Variants in OSBPL10 observed in about 807,000 individuals in gnomAD.
The protein encoded by OSBPL10 is oxysterol-binding protein-related protein 10.
A neutral mutation model predicts 81.7 loss-of-function variants in OSBPL10; 49 were observed. That is an observed-to-expected ratio of 0.60 (90% CI 0.48 to 0.76). The LOEUF (loss-of-function observed/expected upper bound fraction) is 0.76, where lower values mean the gene tolerates loss of function less well. Ranked by LOEUF, OSBPL10 falls within the 30% of genes least tolerant of loss-of-function variation. OSBPL10 has a pLI of 0.00. For missense variants in OSBPL10, 923 were observed against 987.8 expected (o/e 0.93, Z 0.88); for synonymous variants, 419 against 383.6 (o/e 1.09, Z -1.08).
At chr3:31,988,919 C>T in intron 2 of OSBPL10, 1 of 963,364 alleles carries the variant, frequency 1.0e-6, no homozygotes, top group African/African-American at 1.7e-5. Flanking sequence ...GAAGTGCCTC[C>T]AAACCCCGAC....
intron 3 of OSBPL10, among the ~76,000 whole-genome samples, chr3:31,857,008 A>G (rs1403431111): frequency 6.6e-6 from 1 of 152,182 alleles, no homozygotes; most frequent in Non-Finnish European, 1.5e-5. Context: ...GGGTTCAAGG[A>G]TCACACCACT....
chr3:32,015,515 A>G (rs181638718), intron 2 of OSBPL10, among the ~76,000 whole-genome samples: 42 of 152,370 alleles, frequency 2.8e-4, no homozygotes, highest in Non-Finnish European at 1.3e-4. Context: ...AAACCTGGGC[A>G]ATACCATTCA....
chr3:32,068,213 C>T (rs547652401), intron 1 of OSBPL10, among the ~76,000 whole-genome samples: 153 of 152,304 alleles, frequency 1.0e-3, no homozygotes, highest in Non-Finnish European at 1.3e-3. Flanking sequence ...GCGCCAGTCA[C>T]GGACTCGGGA....
chr3:32,064,791 T>C lies in OSBPL10; in HGVS notation n.185+12605A>G, dbSNP rs1426036065. 4 of 93,242 alleles carry C rather than the reference T, an allele frequency of 4.3e-5. 2 individuals are homozygous for C. The highest frequency in any genetic ancestry group is 1.2e-4 in the Non-Finnish European group (4 of 34,774). 5.8% of individuals were successfully genotyped at this position (93,242 alleles called of 1,614,324 possible). On this transcript the variant is annotated intron_variant and non_coding_transcript_variant, in intron 1 of 3. Transcript: ENST00000479173. ...AGCTCAAGGGGAAGTGCTACATAAC[T>C]GCTGTTACATTTTAAATGCCTTGCT...
chr3:31,763,068 A>G (rs1559454018), intron 4 of OSBPL10, among the ~76,000 whole-genome samples: 1 of 152,204 alleles, frequency 6.6e-6, no homozygotes, highest in Non-Finnish European at 1.5e-5. Context: ...GAACACACAC[A>G]GCAAACTCCT....
At chr3:31,758,226 T>C (rs575545163) in intron 4 of OSBPL10, among the ~76,000 whole-genome samples, 7 of 152,358 alleles carry the variant, frequency 4.6e-5, no homozygotes, top group African/African-American at 1.4e-4. Flanking sequence ...CTCTCATGTA[T>C]ACATGATATG....
At chr3:31,859,356 G>C (rs80203636) in intron 3 of OSBPL10, among the ~76,000 whole-genome samples, 12,125 of 152,198 alleles carry the variant, frequency 0.08, 1,464 homozygotes, top group African/African-American at 0.26. Context: ...CAGGGAGGGC[G>C]TAGAAGTTCC....
intron 2 of OSBPL10, among the ~76,000 whole-genome samples, chr3:32,045,196 A>G (rs1054474372): frequency 2.6e-5 from 4 of 152,164 alleles, no homozygotes; most frequent in South Asian, 4.1e-4. Flanking sequence ...TCCAAAGGCA[A>G]TTCAGGGTAT....
intron 6 of OSBPL10, among the ~76,000 whole-genome samples, chr3:31,728,634 T>C (rs920691725): frequency 2.0e-5 from 3 of 152,232 alleles, no homozygotes; most frequent in Non-Finnish European, 2.9e-5. Flanking sequence ...AAATGCATTA[T>C]GCTATGTGAA....
intron 4 of OSBPL10, among the ~76,000 whole-genome samples, chr3:31,797,294 C>A (rs1699252766): frequency 6.6e-6 from 1 of 151,646 alleles, no homozygotes; most frequent in South Asian, 2.1e-4. Context: ...CGCCTGGCCA[C>A]AAATGATTTA....
At position 31,981,185 on chromosome 3, in the gene OSBPL10, G is replaced by A. The variant is rs1327573563; in HGVS notation, c.-6C>T. 1.4e-6 allele frequency: 2 copies of A among 1,420,492 alleles called. No individual in the cohort carries two copies. The highest frequency in any genetic ancestry group is 3.1e-5 in the East Asian group (1 of 32,474). The allele number at this position is 1,420,492 out of a possible 1,614,324, so 88.0% of individuals were successfully genotyped here. A position where few individuals can be genotyped will look rare whatever the true frequency, so the allele number is the denominator to read the frequency against. ...CCCTGGACTGCCCTCTCCATGGTCC[G>A]TGGGCGCCCGGGACGCGGGTGCCCG... On this transcript the variant is annotated 5_prime_UTR_variant, in exon 1 of 12. The change creates a new upstream start codon in the 5' untranslated region. Coordinates refer to ENST00000396556, the MANE Select transcript of OSBPL10 (RefSeq NM_017784.5). The surrounding 1 kb of genome is among the most constrained non-coding windows in gnomAD (Gnocchi z 4.5).
chr3:31,849,383 T>TA (rs1260608226), intron 3 of OSBPL10, among the ~76,000 whole-genome samples: 1 of 152,196 alleles, frequency 6.6e-6, no homozygotes, highest in African/African-American at 2.4e-5. Flanking sequence ...GTATATCTTC[T>TA]AGTCCAATCC....
chr3:31,986,508 G>A (rs1698934900), intron 2 of OSBPL10: 1 of 152,250 alleles, frequency 6.6e-6, no homozygotes, highest in Non-Finnish European at 1.5e-5. Flanking sequence ...CACTTTGGGA[G>A]GCTGAGGCGG....
intron 1 of OSBPL10, among the ~76,000 whole-genome samples, chr3:31,909,504 TA>T (rs34442689): frequency 0.18 from 26,169 of 146,960 alleles, 2,375 homozygotes; most frequent in South Asian, 0.21. Flanking sequence ...GCTCAACGTT[TA>T]AAAAAAAAAA....
chr3:32,020,897 G>A lies in OSBPL10; in HGVS notation n.298+25594C>T, dbSNP rs80258147. On this transcript the variant is annotated intron_variant and non_coding_transcript_variant, in intron 2 of 3. Transcript: ENST00000479173. The stretch of plus-strand genomic sequence containing the variant: ...CTGGGTGGCTTAAACAACAAAACTC[G>A]TATTTTCTCAGAGTTCTGGAGGCTG... Among the ~76,000 whole-genome samples, 467 of 152,268 alleles carry A rather than the reference G, an allele frequency of 3.1e-3. 10 individuals are homozygous for A. Among genetic ancestry groups the A allele is most frequent in the Non-Finnish European group, 1.8e-3 (125 of 68,022 alleles).
intron 5 of OSBPL10, among the ~76,000 whole-genome samples, chr3:31,741,944 C>T (rs1697366458): frequency 6.6e-6 from 1 of 152,222 alleles, no homozygotes; most frequent in South Asian, 2.1e-4. Flanking sequence ...CTTCTCCTGG[C>T]CTTCTGCCAT....
upstream of OSBPL10, among the ~76,000 whole-genome samples, chr3:31,984,182 G>A (rs1349030732): frequency 1.3e-5 from 2 of 152,106 alleles, no homozygotes; most frequent in African/African-American, 2.4e-5. Context: ...TGGGACTACA[G>A]GCACCTGCCA....
intron 2 of OSBPL10, among the ~76,000 whole-genome samples, chr3:32,017,793 A>C (rs1309044038): frequency 6.6e-6 from 1 of 152,180 alleles, no homozygotes; most frequent in Non-Finnish European, 1.5e-5. Context: ...TTTTGGCTTT[A>C]AGTTTCTATA....
chr3:31,712,742 G>C (rs1489147287), intron 6 of OSBPL10, among the ~76,000 whole-genome samples: 1 of 152,170 alleles, frequency 6.6e-6, no homozygotes, highest in African/African-American at 2.4e-5. Flanking sequence ...TCAATAAGTC[G>C]ATGATCATTT....
Sources: gnomAD v4.1 joint callset for allele counts (sites outside exome capture counted in the v4.1 genomes callset) on GRCh38, gnomAD v4.1.1 for gene constraint, Gnocchi (gnomAD v3.1) non-coding constraint, MANE v1.5 for transcripts, NCBI Gene and HGNC (gene_info 2026-07-23, HGNC 2026-07-21) for gene names.